OPRD1: variants seen among roughly 807,000 people sequenced by gnomAD.
OPRD1 encodes opioid receptor delta 1, also known as delta-type opioid receptor.
A neutral mutation model predicts 17.5 loss-of-function variants in OPRD1; 19 were observed. The ratio of observed to expected loss-of-function variants is 1.09; its 90% confidence interval spans 0.76 to 1.60. The LOEUF (loss-of-function observed/expected upper bound fraction) is 1.60, where lower values mean the gene tolerates loss of function less well. Ranked by LOEUF, OPRD1 falls within the 40% of genes most tolerant of loss-of-function variation. OPRD1 has a pLI of 0.00. For synonymous variants in OPRD1, 256 were observed against 240.9 expected (o/e 1.06, Z -0.58); for missense variants, 483 against 547.2 (o/e 0.88, Z 1.17).
At chr1:28,857,335 C>T (rs1217984772) in intron 1 of OPRD1, among the ~76,000 whole-genome samples, 1 of 152,188 alleles carries the variant, frequency 6.6e-6, no homozygotes, top group East Asian at 1.9e-4. Context: ...AACTCAGAGT[C>T]ACTCAGCTAA....
rs1233337916 is a variant in OPRD1, at chr1:28,858,115, C to CTT, written c.228-825_228-824dup. On this transcript the variant is annotated intron_variant, in intron 1 of 2. Transcript: ENST00000234961. ...CGGCCTAGGATTTTTCTTTTTTTTT[C>CTT]TTTTTTTTTTTTTTTGAGACGGAGT... is the stretch of plus-strand genomic sequence containing the variant. Among the ~76,000 whole-genome samples the CTT allele has an allele frequency of 1.1e-3, 121 of 112,954 alleles. 1 individual carries two copies. Among genetic ancestry groups the CTT allele is most frequent in the Middle Eastern group, 6.6e-3 (1 of 152 alleles). 74.1% of individuals were successfully genotyped at this position (112,954 alleles called of 152,430 possible). A position where few individuals can be genotyped will look rare whatever the true frequency, so the allele number is the denominator to read the frequency against.
intron 1 of OPRD1, among the ~76,000 whole-genome samples, chr1:28,824,179 CAAAAA>C (rs759567245): frequency 1.2e-5 from 1 of 82,328 alleles, no homozygotes. Context: ...AACCTATCTC[CAAAAA>C]AAAAAAAAAA....
chr1:28,855,473 G>A (rs1162697224), intron 1 of OPRD1, among the ~76,000 whole-genome samples: 2 of 152,128 alleles, frequency 1.3e-5, no homozygotes, highest in African/African-American at 2.4e-5. Context: ...ACTGAGAGCA[G>A]GGGAGTGGCA....
intron 1 of OPRD1, among the ~76,000 whole-genome samples, chr1:28,837,648 A>G (rs1277671592): frequency 6.6e-6 from 1 of 150,886 alleles, no homozygotes; most frequent in East Asian, 2.1e-4. Flanking sequence ...TTCCGTCTCA[A>G]AAAAACAAAA....
chr1:28,840,701 C>G (rs2088889348), intron 1 of OPRD1, among the ~76,000 whole-genome samples: 1 of 152,124 alleles, frequency 6.6e-6, no homozygotes, highest in Admixed American at 6.6e-5. Context: ...GTGGGTGGAT[C>G]ACTTGAGGTC....
At chr1:28,817,477 C>T (rs1377217470) in intron 1 of OPRD1, among the ~76,000 whole-genome samples, 1 of 152,178 alleles carries the variant, frequency 6.6e-6, no homozygotes, top group African/African-American at 2.4e-5. Context: ...GGGGAAAATG[C>T]TGAAGTGTCT....
intron 1 of OPRD1, among the ~76,000 whole-genome samples, chr1:28,847,070 C>T (rs1281454816): frequency 6.6e-6 from 1 of 150,386 alleles, no homozygotes; most frequent in Admixed American, 6.7e-5. Flanking sequence ...CTTTCCTTTC[C>T]GACGGAGTTT....
At chr1:28,823,797 G>A (rs2088737714) in intron 1 of OPRD1, among the ~76,000 whole-genome samples, 1 of 151,494 alleles carries the variant, frequency 6.6e-6, no homozygotes, top group South Asian at 2.1e-4. Flanking sequence ...CCAAAGTGTT[G>A]GCATTACAGG....
chr1:28,869,429 G>A lies in OPRD1; in HGVS notation c.*6146G>A, dbSNP rs464870. 11,505 of 152,224 alleles carry A rather than the reference G, an allele frequency of 0.076. 456 individuals are homozygous for A. The highest frequency in any genetic ancestry group is 0.1 in the African/African-American group (4,256 of 41,526). The allele number at this position is 152,224 out of a possible 1,614,324, so 9.4% of individuals were successfully genotyped here. A position where few individuals can be genotyped will look rare whatever the true frequency, so the allele number is the denominator to read the frequency against. On this transcript the variant is annotated 3_prime_UTR_variant, in exon 3 of 3. Coordinates refer to ENST00000234961, the MANE Select transcript of OPRD1 (RefSeq NM_000911.4). ...CCAGCACCATCACCGGGGATGAGCC[G>A]TTTCAGAGTGTGGCACTCTGTCACA...
intron 1 of OPRD1, among the ~76,000 whole-genome samples, chr1:28,817,215 C>A (rs2088677901): frequency 6.6e-6 from 1 of 152,156 alleles, no homozygotes. Flanking sequence ...TTTAGCAAGC[C>A]GGATCGCCTC....
In OPRD1 at chr1:28,865,235, A is replaced by G. The variant is rs1168891172; in HGVS notation, c.*1952A>G. ...TCCCCTCCCTCACCAACACTGCCTC[A>G]GTAATGCACCCCTGACTCCCTATTG... On this transcript the variant is annotated 3_prime_UTR_variant, in exon 3 of 3. Transcript: ENST00000234961. 6.6e-6 allele frequency: 1 copy of G among 152,340 alleles called. No individual in the cohort carries two copies. The highest frequency in any genetic ancestry group is 1.5e-5 in the Non-Finnish European group (1 of 68,036). 9.4% of individuals were successfully genotyped at this position (152,340 alleles called of 1,614,324 possible).
intron 1 of OPRD1, among the ~76,000 whole-genome samples, chr1:28,828,787 T>C (rs13376241): frequency 0.03 from 4,585 of 151,694 alleles, 218 homozygotes; most frequent in African/African-American, 0.1. Flanking sequence ...GTCAGGAGTT[T>C]GAGACCAGCC....
intron 1 of OPRD1, among the ~76,000 whole-genome samples, chr1:28,847,888 C>T (rs1413575135): frequency 6.6e-6 from 1 of 151,908 alleles, no homozygotes; most frequent in Non-Finnish European, 1.5e-5. Context: ...TTGTGTTGGG[C>T]TTAGGGCTCT....
chr1:28,840,291 T>A (rs376483368), intron 1 of OPRD1, among the ~76,000 whole-genome samples: 2 of 152,278 alleles, frequency 1.3e-5, no homozygotes, highest in African/African-American at 4.8e-5. Context: ...TCTCGCTCTG[T>A]CCCTCAGGCT....
chr1:28,851,245 G>T (rs1334479778), intron 1 of OPRD1, among the ~76,000 whole-genome samples: 1 of 152,162 alleles, frequency 6.6e-6, no homozygotes, highest in Non-Finnish European at 1.5e-5. Context: ...AATCAGAATG[G>T]TTTTAGATGC....
At chr1:28,838,791 C>T (rs958105302) in intron 1 of OPRD1, among the ~76,000 whole-genome samples, 1 of 152,168 alleles carries the variant, frequency 6.6e-6, no homozygotes, top group Non-Finnish European at 1.5e-5. Flanking sequence ...AACCGAGGCT[C>T]AGAGAAGTTA....
chr1:28,851,633 A>T (rs2089003139), intron 1 of OPRD1, among the ~76,000 whole-genome samples: 3 of 152,318 alleles, frequency 2.0e-5, no homozygotes, highest in South Asian at 4.1e-4. Context: ...GCACTTTGGG[A>T]GGCCGAGGCG....
intron 1 of OPRD1, among the ~76,000 whole-genome samples, chr1:28,839,271 C>T (rs1334148247): frequency 6.6e-6 from 1 of 152,234 alleles, no homozygotes; most frequent in Admixed American, 6.5e-5. Flanking sequence ...GCAGCTGCAT[C>T]GTCTAATTTC....
chr1:28,844,012 G>T (rs550330004), intron 1 of OPRD1, among the ~76,000 whole-genome samples: 15 of 151,136 alleles, frequency 9.9e-5, no homozygotes, highest in Admixed American at 2.6e-4. Context: ...ACCAGAAGAG[G>T]AACTGTTGGA....
Sources: gnomAD v4.1 joint callset for allele counts (sites outside exome capture counted in the v4.1 genomes callset) on GRCh38, gnomAD v4.1.1 for gene constraint, MANE v1.5 for transcripts, NCBI Gene and HGNC (gene_info 2026-07-23, HGNC 2026-07-21) for gene names.